The following MAGI2 variants were observed in gnomAD, a reference collection of about 807,000 sequenced individuals.
MAGI2 encodes the protein membrane-associated guanylate kinase, WW and PDZ domain-containing protein 2.
A neutral mutation model predicts 133.3 loss-of-function variants in MAGI2; 35 were observed. The ratio of observed to expected loss-of-function variants is 0.26; its 90% CI spans 0.20 to 0.35. The LOEUF is 0.35. Among genes scored for constraint, MAGI2 ranks in the 10% least tolerant of loss-of-function variants. MAGI2 has a pLI of 1.00. For missense variants in MAGI2, 1,636 were observed against 1,863.4 expected (o/e 0.88, Z 2.25); for synonymous variants, 729 against 710.6 (o/e 1.03, Z -0.41).
chr7:78,587,697 A>T lies in MAGI2; in HGVS notation c.538+39423T>A, dbSNP rs138783658. Among the ~76,000 whole-genome samples, 107 of 152,282 alleles carry T rather than the reference A, an allele frequency of 7.0e-4. 1 individual carries two copies. In the East Asian group the frequency reaches 0.01, roughly 15 times the overall value. On this transcript the variant is annotated intron_variant, in intron 3 of 21. Coordinates refer to ENST00000354212, the MANE Select transcript of MAGI2 (RefSeq NM_012301.4). ...GCTAATGTCATGTATCATCCTCCAC[A>T]TTTTGTCTGGATTTCAACTGTAGAG...
chr7:79,308,515 T>C (rs76930801), intron 1 of MAGI2, among the ~76,000 whole-genome samples: 4,810 of 152,296 alleles, frequency 0.032, 108 homozygotes, highest in African/African-American at 0.051. Flanking sequence ...TGCCTGCTGG[T>C]GCTGTAATTT....
intron 16 of MAGI2, among the ~76,000 whole-genome samples, chr7:78,153,734 A>C (rs1280643100): frequency 6.6e-6 from 1 of 152,222 alleles, no homozygotes; most frequent in Non-Finnish European, 1.5e-5. Context: ...CACACCAACA[A>C]AACTAACTTA....
intron 1 of MAGI2, among the ~76,000 whole-genome samples, chr7:79,408,093 AAT>A (rs1255540249): frequency 2.0e-5 from 3 of 152,132 alleles, no homozygotes; most frequent in Admixed American, 2.0e-4. Flanking sequence ...AAATGCTATA[AAT>A]AGAAATAGTC....
At chr7:79,162,509 C>T (rs1051963586) in intron 1 of MAGI2, among the ~76,000 whole-genome samples, 1 of 151,992 alleles carries the variant, frequency 6.6e-6, no homozygotes, top group Non-Finnish European at 1.5e-5. Flanking sequence ...AGGTCAAACC[C>T]TGCAAATCAA....
At chr7:79,180,118 A>G (rs1027533057) in intron 1 of MAGI2, among the ~76,000 whole-genome samples, 1 of 152,074 alleles carries the variant, frequency 6.6e-6, no homozygotes, top group Non-Finnish European at 1.5e-5. Context: ...ACGAATTGAT[A>G]TCTTTCAAAA....
chr7:79,309,851 T>C (rs896329079), intron 1 of MAGI2, among the ~76,000 whole-genome samples: 2 of 150,600 alleles, frequency 1.3e-5, no homozygotes, highest in Non-Finnish European at 3.0e-5. Context: ...CTCCATCAGG[T>C]CAGGCGCAGT....
intron 9 of MAGI2, among the ~76,000 whole-genome samples, chr7:78,315,109 G>T (rs909189424): frequency 1.3e-4 from 20 of 152,136 alleles, no homozygotes; most frequent in Non-Finnish European, 2.6e-4. Flanking sequence ...TTGGCAATAG[G>T]TCTGTAAGGA....
rs1835175832 is a variant in MAGI2 at position 79,275,648 on chromosome 7, G to A, written c.301+177372C>T. On this transcript the variant is annotated intron_variant, in intron 1 of 21. Coordinates refer to ENST00000354212, the MANE Select transcript of MAGI2 (RefSeq NM_012301.4). ...CCTATTGGAAGAAGATGTCATCTAGGACTTTCACAGCTAGGAAGAAGTCAA... is the reference window on the plus strand; with the variant it reads ...CCTATTGGAAGAAGATGTCATCTAGAACTTTCACAGCTAGGAAGAAGTCAA... Among the ~76,000 whole-genome samples, 4 of 152,268 alleles carry A rather than the reference G, an allele frequency of 2.6e-5. 1 individual carries two copies. The South Asian group carries it at 8.3e-4, about 32-fold the overall frequency.
At chr7:79,353,677 C>T (rs10268915) in intron 1 of MAGI2, 3,633 of 336,240 alleles carry the variant, frequency 0.011, 109 homozygotes, top group African/African-American at 0.074. Context: ...GGGCATTGGA[C>T]TCTTCTGCAG....
At chr7:78,956,753 T>A (rs1244934458) in intron 2 of MAGI2, among the ~76,000 whole-genome samples, 1 of 152,160 alleles carries the variant, frequency 6.6e-6, no homozygotes, top group East Asian at 1.9e-4. Flanking sequence ...GCCCGTTTTT[T>A]ATGTAATACA....
intron 21 of MAGI2, among the ~76,000 whole-genome samples, chr7:78,074,773 A>G (rs1815096073): frequency 1.3e-5 from 2 of 152,252 alleles, no homozygotes; most frequent in South Asian, 2.1e-4. Context: ...GTTTCATGAT[A>G]TAATCTATTT....
chr7:79,372,028 A>G (rs1008019252), intron 1 of MAGI2, among the ~76,000 whole-genome samples: 15 of 152,168 alleles, frequency 9.9e-5, no homozygotes, highest in African/African-American at 3.1e-4. Context: ...CCTACGAGGT[A>G]GCTACTAGTG....
intron 2 of MAGI2, chr7:78,903,900 C>T (rs1278923500): frequency 6.6e-6 from 1 of 152,200 alleles, no homozygotes; most frequent in African/African-American, 2.4e-5. Flanking sequence ...ATCAGCGGCA[C>T]CAAATCATTG....
intron 2 of MAGI2, among the ~76,000 whole-genome samples, chr7:78,790,562 T>C (rs1007681347): frequency 6.6e-6 from 1 of 152,010 alleles, no homozygotes; most frequent in East Asian, 1.9e-4. Context: ...GCCTCTCAAA[T>C]AGCTTGGATT....
rs113929761 is a variant in MAGI2, at chr7:78,722,613, C to T, written c.419-95374G>A. On this transcript the variant is annotated intron_variant, in intron 2 of 21. Transcript: ENST00000354212. ...CCAGAACTCTGGCTTCATTTTCAGG[C>T]ACAATACCACAATGGCAAAACATCA... 9.6e-3 allele frequency among the ~76,000 whole-genome samples: 1,455 copies of T among 152,170 alleles called. 27 individuals are homozygous for T. Among genetic ancestry groups the T allele is most frequent in the African/African-American group, 0.033 (1,386 of 41,554 alleles).
intron 6 of MAGI2, among the ~76,000 whole-genome samples, chr7:78,412,073 T>A (rs969611644): frequency 6.6e-6 from 1 of 152,072 alleles, no homozygotes; most frequent in African/African-American, 2.4e-5. Context: ...AAGAGAATAA[T>A]ATGTTTATCG....
rs575100485 is a variant in MAGI2, at chr7:78,181,907, C to G, written c.2311+3722G>C. Reference sequence around the variant, plus strand: ...TTAGTCTTGCTTTTGAAAGAAGTAGCTCTGTGCACAGTTAGGGAAAAGGCT... The same window carrying G: ...TTAGTCTTGCTTTTGAAAGAAGTAGGTCTGTGCACAGTTAGGGAAAAGGCT... On this transcript the variant is annotated intron_variant, in intron 13 of 21. Coordinates refer to ENST00000354212, the MANE Select transcript of MAGI2 (RefSeq NM_012301.4). 4.6e-5 allele frequency among the ~76,000 whole-genome samples: 7 copies of G among 152,322 alleles called. No homozygotes were observed. The South Asian group carries it at 1.2e-3, about 27-fold the overall frequency.
intron 2 of MAGI2, among the ~76,000 whole-genome samples, chr7:78,920,797 T>C (rs1370827306): frequency 6.6e-6 from 1 of 152,016 alleles, no homozygotes; most frequent in Non-Finnish European, 1.5e-5. Flanking sequence ...GAACAGAGTA[T>C]GCAGGACGAA....
intron 9 of MAGI2, among the ~76,000 whole-genome samples, chr7:78,319,750 T>C (rs938104898): frequency 2.6e-5 from 4 of 151,998 alleles, no homozygotes; most frequent in African/African-American, 9.7e-5. Context: ...ATTCAAAAGC[T>C]AGCAGAAGAC....
Sources: gnomAD v4.1 joint callset for allele counts (sites outside exome capture counted in the v4.1 genomes callset) on GRCh38, gnomAD v4.1.1 for gene constraint, MANE v1.5 for transcripts, NCBI Gene and HGNC (gene_info 2026-07-23, HGNC 2026-07-21) for gene names.